PLPP4: variants seen among roughly 807,000 people sequenced by gnomAD.
PLPP4 encodes the protein diacylglycerol pyrophosphate like 2.
Under a neutral mutation model 32.2 loss-of-function variants are expected in PLPP4, and 20 were observed. The observed-to-expected ratio is 0.62, with a 90% CI of 0.44 to 0.90. The LOEUF is 0.90. Ranked by LOEUF, PLPP4 falls within the 40% of genes least tolerant of loss-of-function variation. The pLI is 0.00. For synonymous variants in PLPP4, 127 were observed against 133.0 expected, an observed-to-expected ratio of 0.95 and a Z score of 0.31; for missense variants, 257 against 353.1, an observed-to-expected ratio of 0.73 and a Z score of 2.18.
chr10:120,575,392 T>C, intron 6 of PLPP4, 91 bp downstream of exon 6: 2 of 1,369,372 alleles, frequency 1.5e-6, no homozygotes, highest in South Asian at 1.4e-5. Flanking sequence ...TGTGGGGAGC[T>C]AAGTGCCCAT....
At position 120,589,272 on chromosome 10, in the gene PLPP4, C is replaced by T. The variant is rs768802431; in HGVS notation, c.617-31C>T. 6.2e-6 allele frequency: 10 copies of T among 1,603,016 alleles called. No homozygotes were observed. The Admixed American group carries it at 1.5e-4, about 24-fold the overall frequency. On this transcript the variant is annotated intron_variant, in intron 6 of 6. Transcript: ENST00000398250. ...GGCCACATTTGAACAAATGGTAACC[C>T]ATTTTTCCTGCTCTGCTGTTTCCTG... is the stretch of plus-strand genomic sequence containing the variant.
At chr10:120,541,970 A>T (rs1589848477) in intron 5 of PLPP4, among the ~76,000 whole-genome samples, 1 of 152,020 alleles carries the variant, frequency 6.6e-6, no homozygotes, top group Non-Finnish European at 1.5e-5. Flanking sequence ...TAGAAATGGG[A>T]TTTCACCATG....
chr10:120,574,190 TC>T (rs1564850334), intron 5 of PLPP4, among the ~76,000 whole-genome samples: 2 of 139,664 alleles, frequency 1.4e-5, no homozygotes, highest in Non-Finnish European at 3.1e-5. Flanking sequence ...TCTCTCTCTC[TC>T]TCTCTCTCTC....
At chr10:120,533,943 A>G (rs992275922) in intron 5 of PLPP4, among the ~76,000 whole-genome samples, 1 of 152,196 alleles carries the variant, frequency 6.6e-6, no homozygotes, top group Admixed American at 6.5e-5. Context: ...TGTAGGAACA[A>G]CAATGCAATT....
intron 5 of PLPP4, among the ~76,000 whole-genome samples, chr10:120,524,724 C>G (rs1310338836): frequency 6.6e-6 from 1 of 152,118 alleles, no homozygotes; most frequent in Non-Finnish European, 1.5e-5. Context: ...CCTAAGCCAC[C>G]CTTGATTGGA....
chr10:120,493,756 C>G (rs1844826332), intron 1 of PLPP4, among the ~76,000 whole-genome samples: 1 of 152,074 alleles, frequency 6.6e-6, no homozygotes, highest in African/African-American at 2.4e-5. Flanking sequence ...GATTCCTGCC[C>G]TAGGGTTATG....
At chr10:120,526,084 T>C (rs908034480) in intron 5 of PLPP4, among the ~76,000 whole-genome samples, 1 of 152,148 alleles carries the variant, frequency 6.6e-6, no homozygotes, top group African/African-American at 2.4e-5. Context: ...TCTTTGTCTT[T>C]TTTGTTCATC....
chr10:120,513,856 C>A, intron 2 of PLPP4, 55 bp from the exon 3 acceptor site: 2 of 1,318,514 alleles, frequency 1.5e-6, no homozygotes, highest in East Asian at 2.3e-5. Flanking sequence ...TATCAATCAG[C>A]CCTTCTGATA....
chr10:120,516,254 G>C (rs17632879), intron 3 of PLPP4, among the ~76,000 whole-genome samples: 4,690 of 152,202 alleles, frequency 0.031, 88 homozygotes, highest in Middle Eastern at 0.14. Context: ...GGACTCTATC[G>C]ACCAGGAGGT....
chr10:120,584,296 A>G (rs982694775), intron 6 of PLPP4, among the ~76,000 whole-genome samples: 1 of 152,144 alleles, frequency 6.6e-6, no homozygotes, highest in African/African-American at 2.4e-5. Context: ...GGGCGAGCTC[A>G]CAGACCCTCA....
At chr10:120,491,911 G>A (rs1486076293) in intron 1 of PLPP4, among the ~76,000 whole-genome samples, 1 of 152,186 alleles carries the variant, frequency 6.6e-6, no homozygotes, top group East Asian at 1.9e-4. Context: ...TGTAATACCT[G>A]ATGAAATTAA....
rs149150109 is a variant in PLPP4, at chr10:120,535,527, G to A, written c.445+14432G>A. Among the ~76,000 whole-genome samples the A allele has an allele frequency of 3.0e-4, 46 of 152,018 alleles. No homozygotes were observed. In the East Asian group the frequency reaches 5.8e-3, roughly 19 times the overall value. On this transcript the variant is annotated intron_variant, in intron 5 of 6. Coordinates refer to ENST00000398250, the MANE Select transcript of PLPP4 (RefSeq NM_001030059.3). ...TTTTGTGTGTGTGTCTTATTCTATC[G>A]GTCACTGAGAGTAGAGTTTGATAGT...
chr10:120,462,738 G>A (rs1449609638), intron 1 of PLPP4, among the ~76,000 whole-genome samples: 1 of 151,326 alleles, frequency 6.6e-6, no homozygotes, highest in African/African-American at 2.4e-5. Context: ...AATAGAGATC[G>A]AGGCCCGCAG....
intron 1 of PLPP4, among the ~76,000 whole-genome samples, chr10:120,463,532 T>A (rs754513927): frequency 1.3e-5 from 2 of 152,228 alleles, no homozygotes; most frequent in Non-Finnish European, 2.9e-5. Context: ...GATAAGGTAC[T>A]TTAAGTGCCT....
At position 120,492,677 on chromosome 10, in the gene PLPP4, C is replaced by T. The variant is rs550017767; in HGVS notation, c.57-11141C>T. Among the ~76,000 whole-genome samples the T allele has an allele frequency of 9.2e-5, 14 of 152,306 alleles. No homozygotes were observed. The South Asian group carries it at 2.5e-3, about 27-fold the overall frequency. On this transcript the variant is annotated intron_variant, in intron 1 of 6. Coordinates refer to ENST00000398250, the MANE Select transcript of PLPP4 (RefSeq NM_001030059.3). Reference sequence around the variant, plus strand: ...AGGCAAAGGCAGGATGCAGGGGTTTCAACTCCACAGCTCTGGCTGCCAGCC... The same window carrying T: ...AGGCAAAGGCAGGATGCAGGGGTTTTAACTCCACAGCTCTGGCTGCCAGCC...
rs1166829204 is a variant in PLPP4, at chr10:120,552,119, C to T, written c.446-23012C>T. Among the ~76,000 whole-genome samples, 5 of 150,458 alleles carry T rather than the reference C, an allele frequency of 3.3e-5. No individual in the cohort carries two copies. In the East Asian group the frequency reaches 9.8e-4, roughly 29 times the overall value. On this transcript the variant is annotated intron_variant, in intron 5 of 6. Transcript: ENST00000398250. The stretch of plus-strand genomic sequence containing the variant: ...CCTTATAAAATGCTCAATTCTGTTG[C>T]CCCAGGTGGTGATAATGATGGTGAT...
chr10:120,509,056 C>T (rs138040963), intron 2 of PLPP4, among the ~76,000 whole-genome samples: 1,807 of 152,302 alleles, frequency 0.012, 21 homozygotes, highest in Non-Finnish European at 0.019. Flanking sequence ...GATCACCTCC[C>T]CTCTTAGCAC....
intron 1 of PLPP4, among the ~76,000 whole-genome samples, chr10:120,496,501 C>T (rs1844969044): frequency 6.6e-6 from 1 of 152,202 alleles, no homozygotes. Context: ...AGACCAACTA[C>T]TGGGGCACTC....
chr10:120,484,796 T>C (rs1575915), intron 1 of PLPP4, among the ~76,000 whole-genome samples: 55,179 of 152,046 alleles, frequency 0.36, 10,271 homozygotes, highest in Admixed American at 0.44. Flanking sequence ...TAACCTTACA[T>C]GGCCAAGGGA....
Sources: gnomAD v4.1 joint callset for allele counts (sites outside exome capture counted in the v4.1 genomes callset) on GRCh38, gnomAD v4.1.1 for gene constraint, MANE v1.5 for transcripts, NCBI Gene and HGNC (gene_info 2026-07-23, HGNC 2026-07-21) for gene names.